Variants in GPR158 observed in about 807,000 individuals in gnomAD.
GPR158 encodes the protein G protein-coupled receptor 158.
A neutral mutation model predicts 78.2 loss-of-function variants in GPR158; 30 were observed. The observed-to-expected ratio is 0.38, with a 90% CI of 0.29 to 0.52. GPR158 has a LOEUF of 0.52. Ranked by LOEUF, GPR158 falls within the 20% of genes least tolerant of loss-of-function variation. The pLI, the probability that GPR158 is intolerant of heterozygous loss-of-function variation, is 0.83. For synonymous variants in GPR158, 581 were observed against 591.1 expected, an observed-to-expected ratio of 0.98 and a Z score of 0.25; for missense variants, 1,463 against 1,523.5, an observed-to-expected ratio of 0.96 and a Z score of 0.66.
intron 6 of GPR158, among the ~76,000 whole-genome samples, chr10:25,557,867 A>G (rs913940003): frequency 3.3e-5 from 5 of 152,236 alleles, no homozygotes; most frequent in African/African-American, 1.2e-4. Context: ...TTCAGAACAC[A>G]TTAACTATTG....
rs545424648 is a variant in GPR158, at chr10:25,310,317, T to C, written c.1009-85594T>C. The stretch of plus-strand genomic sequence containing the variant: ...TTCCCATACGTTTGCAGTACGTTTT[T>C]GGATCAGAGAGTGTTAGTCCTCCAA... On this transcript the variant is annotated intron_variant, in intron 2 of 10. Coordinates refer to ENST00000376351, the MANE Select transcript of GPR158 (RefSeq NM_020752.3). 6.6e-5 allele frequency among the ~76,000 whole-genome samples: 10 copies of C among 152,306 alleles called. No individual in the cohort carries two copies. In the East Asian group the frequency reaches 1.7e-3, roughly 26 times the overall value.
At chr10:25,267,135 A>C (rs751193998) in intron 2 of GPR158, among the ~76,000 whole-genome samples, 1 of 152,134 alleles carries the variant, frequency 6.6e-6, no homozygotes, top group Non-Finnish European at 1.5e-5. Flanking sequence ...TGAACACAAA[A>C]ATGATTAAAT....
chr10:25,494,743 T>C (rs1427776743), intron 5 of GPR158, among the ~76,000 whole-genome samples: 1 of 152,222 alleles, frequency 6.6e-6, no homozygotes, highest in African/African-American at 2.4e-5. Flanking sequence ...ACTATCTGAA[T>C]TTCTAATTGT....
chr10:25,369,246 A>G (rs1249694869), intron 2 of GPR158, among the ~76,000 whole-genome samples: 2 of 150,008 alleles, frequency 1.3e-5, no homozygotes, highest in Non-Finnish European at 3.0e-5. Flanking sequence ...GTCTTGTGCC[A>G]GTTTTCAAAG....
At chr10:25,277,762 A>G (rs1854205619) in intron 2 of GPR158, among the ~76,000 whole-genome samples, 1 of 152,140 alleles carries the variant, frequency 6.6e-6, no homozygotes, top group Non-Finnish European at 1.5e-5. Context: ...ATAGCCCAGA[A>G]AAAACTTCAC....
At chr10:25,558,016 G>A (rs116962282) in intron 6 of GPR158, among the ~76,000 whole-genome samples, 2,949 of 152,200 alleles carry the variant, frequency 0.019, 27 homozygotes, top group Non-Finnish European at 0.031. Flanking sequence ...TAACATCTAC[G>A]TTCAAAGCTT....
At chr10:25,524,551 G>C (rs1478889307) in intron 5 of GPR158, among the ~76,000 whole-genome samples, 1 of 152,144 alleles carries the variant, frequency 6.6e-6, no homozygotes, top group Non-Finnish European at 1.5e-5. Context: ...ATAGTCTTTT[G>C]AATAAATGAT....
chr10:25,582,283 T>C (rs1339172592), intron 7 of GPR158, among the ~76,000 whole-genome samples: 2 of 152,152 alleles, frequency 1.3e-5, no homozygotes, highest in Non-Finnish European at 2.9e-5. Flanking sequence ...GAGTCTGCCT[T>C]TGTGAGCTCA....
At chr10:25,439,023 C>T (rs971611929) in intron 4 of GPR158, among the ~76,000 whole-genome samples, 1 of 152,104 alleles carries the variant, frequency 6.6e-6, no homozygotes, top group Non-Finnish European at 1.5e-5. Context: ...GCTACAGTGG[C>T]AGAATTGAAT....
At chr10:25,223,766 T>G (rs904579830) in intron 2 of GPR158, among the ~76,000 whole-genome samples, 2 of 152,140 alleles carry the variant, frequency 1.3e-5, no homozygotes, top group Non-Finnish European at 2.9e-5. Flanking sequence ...GGTCCTGTCT[T>G]TATGAATGTC....
chr10:25,521,533 T>A (rs1836274066), intron 5 of GPR158, among the ~76,000 whole-genome samples: 1 of 152,216 alleles, frequency 6.6e-6, no homozygotes, highest in African/African-American at 2.4e-5. Context: ...TCTGGCAACT[T>A]AGAGATTTCT....
At chr10:25,468,834 T>C (rs1384093206) in intron 5 of GPR158, among the ~76,000 whole-genome samples, 1 of 152,234 alleles carries the variant, frequency 6.6e-6, no homozygotes, top group Non-Finnish European at 1.5e-5. Context: ...GATTTCTCCT[T>C]TCAAGAAGCT....
intron 2 of GPR158, among the ~76,000 whole-genome samples, chr10:25,354,510 C>G (rs1855520673): frequency 6.6e-6 from 1 of 151,974 alleles, no homozygotes; most frequent in African/African-American, 2.4e-5. Flanking sequence ...TTTTATTTTG[C>G]CTCTTAATAG....
intron 5 of GPR158, among the ~76,000 whole-genome samples, chr10:25,521,478 G>A (rs930515130): frequency 2.0e-5 from 3 of 152,094 alleles, no homozygotes; most frequent in Non-Finnish European, 2.9e-5. Context: ...ACCTTTGTCT[G>A]GTGCCTCCTT....
At chr10:25,524,476 C>G (rs1309914881) in intron 5 of GPR158, among the ~76,000 whole-genome samples, 1 of 152,120 alleles carries the variant, frequency 6.6e-6, no homozygotes, top group African/African-American at 2.4e-5. Flanking sequence ...TTAGAGAGTT[C>G]CAAAATACAT....
chr10:25,213,127 C>G (rs1215199816), intron 1 of GPR158, among the ~76,000 whole-genome samples: 2 of 152,088 alleles, frequency 1.3e-5, no homozygotes, highest in Non-Finnish European at 2.9e-5. Context: ...ATCTTCACTT[C>G]TGATCTTTAT....
intron 6 of GPR158, among the ~76,000 whole-genome samples, chr10:25,570,525 ACT>A (rs774820372): frequency 2.6e-5 from 4 of 151,934 alleles, no homozygotes; most frequent in Non-Finnish European, 4.4e-5. Flanking sequence ...TTTATTGACC[ACT>A]CTCTATTTTA....
intron 2 of GPR158, among the ~76,000 whole-genome samples, chr10:25,364,324 T>TA (rs1855686896): frequency 6.6e-6 from 1 of 151,886 alleles, no homozygotes; most frequent in South Asian, 2.1e-4. Context: ...GGCCTTAGAA[T>TA]ACACTGCCAG....
intron 2 of GPR158, among the ~76,000 whole-genome samples, chr10:25,340,753 T>TA (rs369976584): frequency 1.5e-4 from 23 of 152,116 alleles, no homozygotes; most frequent in African/African-American, 4.8e-4. Context: ...AATTACAATC[T>TA]ATGTGTTACC....
Sources: allele counts gnomAD v4.1 joint callset (sites outside exome capture counted in the v4.1 genomes callset), GRCh38; gene constraint gnomAD v4.1.1; transcripts MANE v1.5; gene names NCBI Gene and HGNC (gene_info 2026-07-23, HGNC 2026-07-21).